Variants in MSN observed in about 807,000 individuals in gnomAD.
MSN encodes epididymis luminal protein 70.
MSN carries 2 observed loss-of-function variants against 48.0 expected under a neutral mutation model. The observed-to-expected ratio is 0.04, with a 90% CI of 0.02 to 0.13. The LOEUF (loss-of-function observed/expected upper bound fraction) is 0.13. Among genes scored for constraint, MSN ranks in the 10% least tolerant of loss-of-function variants. The probability of loss-of-function intolerance (pLI) is 1.00; values close to 1 mark genes in which losing one functional copy is unlikely to be tolerated. For missense variants in MSN, 267 were observed against 470.1 expected, an observed-to-expected ratio of 0.57 and a Z score of 3.99; for synonymous variants, 146 against 166.9, an observed-to-expected ratio of 0.87 and a Z score of 0.97.
chrX:65,593,119 G>T (rs1247466106), intron 1 of MSN: 5 of 110,161 alleles, frequency 4.5e-5, no homozygotes, highest in Non-Finnish European at 9.5e-5. Context: ...ACCTACAATG[G>T]GGCTACCCCA....
chrX:65,653,506 G>C (rs2070757070), intron 1 of MSN, among the ~76,000 whole-genome samples: 1 of 110,878 alleles, frequency 9.0e-6, no homozygotes, highest in Non-Finnish European at 1.9e-5. Flanking sequence ...ATGAGAAAAA[G>C]TGTTTTAGGA....
intron 1 of MSN, among the ~76,000 whole-genome samples, chrX:65,685,936 A>C (rs1347117155): frequency 3.6e-5 from 4 of 111,772 alleles, no homozygotes; most frequent in Admixed American, 9.4e-5. Flanking sequence ...TGGCTTAAAA[A>C]CAAACAAACA....
intron 1 of MSN, among the ~76,000 whole-genome samples, chrX:65,696,534 G>GA (rs1452255091): frequency 4.5e-5 from 5 of 110,969 alleles, no homozygotes; most frequent in Non-Finnish European, 9.4e-5. Flanking sequence ...ACTGTTGTCT[G>GA]AAAAAACTAG....
intron 2 of MSN, 130 bp downstream of exon 2, chrX:65,717,031 G>A (rs1301620685): frequency 1.9e-5 from 11 of 589,352 alleles, no homozygotes; most frequent in Non-Finnish European, 2.9e-5. Context: ...TCAAAATGAA[G>A]GCTGATTCCA....
rs1414167552 is a variant in MSN at position 65,710,764 on chromosome X, G to T, written c.13-6054G>T. 2.7e-5 allele frequency among the ~76,000 whole-genome samples: 3 copies of T among 111,448 alleles called. 1 individual carries two copies. The highest frequency in any genetic ancestry group is 5.7e-5 in the Non-Finnish European group (3 of 53,071). The stretch of plus-strand genomic sequence containing the variant: ...CTTGCTCTGTCACCCAGGCTGGAGT[G>T]CAGTGACGTGATCTCGGCTCACTGC... On this transcript the variant is annotated intron_variant, in intron 1 of 12. Transcript: ENST00000360270.
At chrX:65,690,023 T>C (rs1397435281) in intron 1 of MSN, among the ~76,000 whole-genome samples, 1 of 111,480 alleles carries the variant, frequency 9.0e-6, no homozygotes, top group East Asian at 2.8e-4. Context: ...TGCCTTCTGA[T>C]CTACCTTGGC....
intron 1 of MSN, among the ~76,000 whole-genome samples, chrX:65,622,587 G>A (rs762257687): frequency 1.2e-4 from 11 of 90,860 alleles, no homozygotes; most frequent in Admixed American, 2.9e-4. Context: ...CATGATTTCC[G>A]CTCACTGACA....
intron 7 of MSN, among the ~76,000 whole-genome samples, chrX:65,733,962 C>CTT (rs59491585): frequency 0.011 from 1,167 of 107,516 alleles, 13 homozygotes; most frequent in African/African-American, 0.039. Context: ...CCCTTGACTT[C>CTT]TTTTTTTTTT....
At chrX:65,634,085 A>G (rs1229239259) in intron 1 of MSN, among the ~76,000 whole-genome samples, 2 of 111,591 alleles carry the variant, frequency 1.8e-5, no homozygotes, top group African/African-American at 3.3e-5. Context: ...GTTTCATGCT[A>G]AAAAGAATCT....
intron 1 of MSN, 107 bp downstream of exon 1, chrX:65,667,960 C>T: frequency 1.1e-6 from 1 of 900,125 alleles, no homozygotes; most frequent in Non-Finnish European, 1.6e-6. Context: ...CCTGGGACGC[C>T]GCGCCCTCCG....
chrX:65,716,780 G>A, intron 1 of MSN, 38 bp from the exon 2 acceptor site: 1 of 1,147,784 alleles, frequency 8.7e-7, no homozygotes, highest in Non-Finnish European at 1.2e-6. Flanking sequence ...TGAACACAGA[G>A]CCAGATGACT....
upstream of MSN, among the ~76,000 whole-genome samples, chrX:65,662,937 A>T (rs1449413135): frequency 8.9e-6 from 1 of 112,006 alleles, no homozygotes; most frequent in African/African-American, 3.2e-5. Context: ...ACAAATCAAT[A>T]ATCTAAAAAT....
intron 1 of MSN, among the ~76,000 whole-genome samples, chrX:65,657,048 C>T (rs375631668): frequency 9.0e-6 from 1 of 111,666 alleles, no homozygotes; most frequent in African/African-American, 3.3e-5. Flanking sequence ...GAGGGAGGAG[C>T]CTGTTCCAAC....
At chrX:65,739,246 C>T (rs757304659) in intron 12 of MSN, 52 bp downstream of exon 12, 3 of 1,075,750 alleles carry the variant, frequency 2.8e-6, no homozygotes, top group Non-Finnish European at 2.5e-6. Context: ...GATTTAGTAG[C>T]CCATGGCATT....
In MSN at chrX:65,676,985, C is replaced by T. The variant is rs190818500; in HGVS notation, c.12+9132C>T. Reference sequence around the variant, plus strand: ...GACTACAGGTGTGCGCCGCCACGCCCGGCTAATTTTTATATTTTTTTTAGT... The same window carrying T: ...GACTACAGGTGTGCGCCGCCACGCCTGGCTAATTTTTATATTTTTTTTAGT... On this transcript the variant is annotated intron_variant, in intron 1 of 12. Coordinates refer to ENST00000360270, the MANE Select transcript of MSN (RefSeq NM_002444.3). Among the ~76,000 whole-genome samples, 511 of 110,395 alleles carry T rather than the reference C, an allele frequency of 4.6e-3. 4 individuals carry two copies. Among genetic ancestry groups the T allele is most frequent in the African/African-American group, 0.016 (487 of 30,248 alleles).
chrX:65,615,841 C>G (rs1325155115), intron 1 of MSN, among the ~76,000 whole-genome samples: 2 of 111,455 alleles, frequency 1.8e-5, no homozygotes, highest in Non-Finnish European at 3.8e-5. Flanking sequence ...GGTTTTAGGT[C>G]TAACGTTTAA....
intron 1 of MSN, among the ~76,000 whole-genome samples, chrX:65,705,061 G>T (rs185452491): frequency 1.8e-5 from 2 of 111,007 alleles, no homozygotes; most frequent in Non-Finnish European, 3.8e-5. Context: ...GTGAGCCACC[G>T]CGCCCAGCCT....
chrX:65,704,836 C>T (rs1175320832), intron 1 of MSN, among the ~76,000 whole-genome samples: 2 of 104,970 alleles, frequency 1.9e-5, no homozygotes, highest in African/African-American at 7.1e-5. Flanking sequence ...GTGGCGCAAT[C>T]TTGGCTCACT....
chrX:65,596,735 GGACT>G (rs891838612), intron 1 of MSN, among the ~76,000 whole-genome samples: 1 of 109,781 alleles, frequency 9.1e-6, no homozygotes, highest in African/African-American at 3.3e-5. Context: ...AACTGGTGTT[GGACT>G]GACTGAGACT....
Sources: allele counts gnomAD v4.1 joint callset (sites outside exome capture counted in the v4.1 genomes callset), GRCh38; gene constraint gnomAD v4.1.1; transcripts MANE v1.5; gene names NCBI Gene and HGNC (gene_info 2026-07-23, HGNC 2026-07-21).